The following IFI30 variants were observed in gnomAD, a reference collection of about 807,000 sequenced individuals.
IFI30 encodes the protein IFI30 lysosomal thiol reductase.
In IFI30, 26 loss-of-function variants were observed where a neutral mutation model predicts 30.1. The ratio of observed to expected loss-of-function variants is 0.87; its 90% CI spans 0.63 to 1.20. The LOEUF (loss-of-function observed/expected upper bound fraction) is 1.20. Among genes scored for constraint, IFI30 ranks in the 50% most tolerant of loss-of-function variants. IFI30 has a pLI of 0.00. For synonymous variants in IFI30, 149 were observed against 134.5 expected, an observed-to-expected ratio of 1.11 and a Z score of -0.75; for missense variants, 296 against 312.5, an observed-to-expected ratio of 0.95 and a Z score of 0.40.
chr19:18,175,430 C>G (rs759500684), intron 3 of IFI30, 45 bp downstream of exon 3: 5 of 1,539,370 alleles, frequency 3.2e-6, no homozygotes, highest in Non-Finnish European at 3.5e-6. Flanking sequence ...GAAAACTGTC[C>G]CACGTACAGG....
chr19:18,174,155 C>G, intron 1 of IFI30, 182 bp downstream of exon 1: 2 of 596,760 alleles, frequency 3.4e-6, no homozygotes, highest in Non-Finnish European at 5.6e-6. Flanking sequence ...CCCTCCGTGC[C>G]GTTTCGCTTT....
In IFI30 at chr19:18,177,735, C is replaced by T; in HGVS notation, c.661C>T (p.Leu221Phe). 1 of 1,613,884 alleles carries T rather than the reference C, an allele frequency of 6.2e-7. No individual in the cohort carries two copies. ...NGKPLEDQTQ[L>F]LTLVCQLYQG... ...GAAACCCTTGGAAGATCAGACCCAG[C>T]TCCTTACCCTTGTCTGCCAGTTGTA... is the stretch of plus-strand genomic sequence containing the variant. Residue 221 changes from leucine (L) to phenylalanine (F), a missense_variant, in exon 6 of 7, where the codon CTC (leucine) becomes TTC (phenylalanine). Coordinates refer to ENST00000407280, the MANE Select transcript of IFI30 (RefSeq NM_006332.5).
At position 18,176,980 on chromosome 19, in the gene IFI30, T is replaced by G. The variant is rs112207718; in HGVS notation, c.484-160T>G. Among the ~76,000 whole-genome samples, 739 of 152,230 alleles carry G rather than the reference T, an allele frequency of 4.9e-3. 3 individuals carry two copies. The highest frequency in any genetic ancestry group is 0.017 in the African/African-American group (696 of 41,544). On this transcript the variant is annotated intron_variant, in intron 4 of 6. Transcript: ENST00000407280. The stretch of plus-strand genomic sequence containing the variant: ...TGCCTTAGGGGCCTCCACTCAAGCA[T>G]GTATTGAGCACCTGCTGTTTGTGGG...
In IFI30 at chr19:18,175,331, G is replaced by C. The variant is rs368679591; in HGVS notation, c.336G>C (p.Arg112Ser). 4.0e-5 allele frequency: 64 copies of C among 1,591,854 alleles called. No individual in the cohort carries two copies. Among genetic ancestry groups the C allele is most frequent in the Non-Finnish European group, 5.1e-5 (60 of 1,169,948 alleles). ...TGCAGGAACAAAATGTCAGTGGCAGGTGGGAGTTCAAGTGCCAGCATGGAG... is the reference window on the plus strand; with the variant it reads ...TGCAGGAACAAAATGTCAGTGGCAGCTGGGAGTTCAAGTGCCAGCATGGAG... ...GNAQEQNVSG[R>S]WEFKCQHGEE... is the part of the protein sequence containing the mutation. The change falls in exon 3 of 7, where the codon AGG becomes AGC. Residue 112 changes from arginine to serine, a missense_variant. Arg to Ser is a moderately radical substitution (Grantham distance 110, BLOSUM62 -1). Transcript: ENST00000407280.
intron 1 of IFI30, chr19:18,174,488 T>A (rs1377964263): frequency 6.3e-6 from 1 of 159,312 alleles, no homozygotes; most frequent in South Asian, 1.6e-4. Context: ...ACCTATTAGG[T>A]GCCGCCTCTA....
Position 18,177,901 on chromosome 19 carries a change from G to T in IFI30, c.743G>T (p.Cys248Phe). 5 of 1,591,256 alleles carry T rather than the reference G, an allele frequency of 3.1e-6. No individual in the cohort carries two copies. Among genetic ancestry groups the T allele is most frequent in the Non-Finnish European group, 4.3e-6 (5 of 1,168,620 alleles). The change falls in exon 7 of 7, where the codon TGC (cysteine) becomes TTC (phenylalanine). Residue 248 changes from cysteine to phenylalanine, a missense_variant. Cys to Phe is a radical substitution (Grantham distance 205, BLOSUM62 -2). Transcript: ENST00000407280. ...TCAACCAGCTCCCTCAGGAGTGTTT[G>T]CTTCAAGTGATGGCCGGTGAGCTGC... The part of the protein sequence containing the change: ...PSSTSSLRSV[C>F]FK
chr19:18,174,040 C>T, intron 1 of IFI30, 67 bp downstream of exon 1: 1 of 1,443,006 alleles, frequency 6.9e-7, no homozygotes, highest in African/African-American at 1.4e-5. Context: ...GCGGCTCCTT[C>T]TTTCTCCCCA....
chr19:18,177,007 T>G, intron 4 of IFI30, 133 bp from the exon 5 acceptor site: 1 of 955,434 alleles, frequency 1.0e-6, no homozygotes, highest in South Asian at 1.8e-5. Flanking sequence ...GTTTGTGGGC[T>G]TTGTCGCATC....
intron 1 of IFI30, chr19:18,174,277 G>A: frequency 3.4e-6 from 1 of 293,384 alleles, no homozygotes; most frequent in Non-Finnish European, 6.4e-6. Context: ...TCCTTTTGTG[G>A]CCCAGGGCAC....
chr19:18,174,642 G>A (rs1967242423), intron 1 of IFI30: 1 of 181,906 alleles, frequency 5.5e-6, no homozygotes, highest in Admixed American at 5.6e-5. Flanking sequence ...GGAAGTCTGA[G>A]GCAGGCAGAT....
At position 18,178,098 on chromosome 19, in the gene IFI30, G is replaced by A. The variant is rs1285879735; in HGVS notation, c.*187G>A. The A allele has an allele frequency of 6.5e-6, 4 of 619,506 alleles. No individual in the cohort carries two copies. Among genetic ancestry groups the A allele is most frequent in the African/African-American group, 3.7e-5 (2 of 54,240 alleles). The allele number at this position is 619,506 out of a possible 1,614,324, so 38.4% of individuals were successfully genotyped here. The stretch of plus-strand genomic sequence containing the variant: ...CTGCTCCACTAAGAATGGTGCTAAA[G>A]TAAAACTAGTTTAATAAGCCCTTCT... On this transcript the variant is annotated 3_prime_UTR_variant, in exon 7 of 7. Coordinates refer to ENST00000407280, the MANE Select transcript of IFI30 (RefSeq NM_006332.5).
chr19:18,175,480 G>A (rs546234177), intron 3 of IFI30, 95 bp downstream of exon 3: 2 of 1,399,880 alleles, frequency 1.4e-6, no homozygotes, highest in African/African-American at 2.9e-5. Flanking sequence ...TCTGCCTCGT[G>A]TGCTCCCATT....
intron 1 of IFI30, 166 bp downstream of exon 1, chr19:18,174,139 C>G (rs1381026107): frequency 3.7e-5 from 24 of 644,640 alleles, no homozygotes; most frequent in Non-Finnish European, 4.3e-5. Context: ...GCGCTGCGGC[C>G]ACACTCCCTC....
intron 1 of IFI30, 115 bp from the exon 2 acceptor site, chr19:18,174,925 G>A (rs575042797): frequency 1.8e-5 from 14 of 781,736 alleles, no homozygotes; most frequent in African/African-American, 1.2e-4. Flanking sequence ...TCTGGAAGGC[G>A]TGCAAGATGA....
rs191513645 is a variant in IFI30, at chr19:18,177,911, A to T, written c.753A>T (p.Ter251CysextTer67). The T allele has an allele frequency of 3.2e-6, 5 of 1,585,900 alleles. No homozygotes were observed. Residue 251 changes from the stop codon to cysteine (C), a stop_lost, in exon 7 of 7, where the codon TGA (stop) becomes TGT (cysteine). Transcript: ENST00000407280. ...CCCTCAGGAGTGTTTGCTTCAAGTG[A>T]TGGCCGGTGAGCTGCGGAGAGCTCA... Reference protein sequence around the residue: ...TSSLRSVCFK* With the variant: ...TSSLRSVCFKC
At chr19:18,177,345 G>T (rs573222823) in intron 5 of IFI30, 53 bp downstream of exon 5, 2 of 1,531,164 alleles carry the variant, frequency 1.3e-6, no homozygotes, top group East Asian at 2.4e-5. Flanking sequence ...TGGAGTCAGG[G>T]ATGGACAAGA....
Position 18,174,023 on chromosome 19 carries a change from GGGGCACGC to G in IFI30, c.132+53_132+60del, listed in dbSNP as rs1967233570. ...GGCTGGAGGGAACAGGCGCCCTGTC[GGGGCACGC>G]GGCTCCTTCTTTCTCCCCAGACTTC... On this transcript the variant is annotated intron_variant, in intron 1 of 6. Coordinates refer to ENST00000407280, the MANE Select transcript of IFI30 (RefSeq NM_006332.5). 4.0e-6 allele frequency: 6 copies of G among 1,495,576 alleles called. No homozygotes were observed. The Middle Eastern group carries it at 8.6e-4, about 214-fold the overall frequency. 92.6% of individuals were successfully genotyped at this position (1,495,576 alleles called of 1,614,324 possible).
chr19:18,175,321 T>C lies in IFI30; in HGVS notation c.326T>C (p.Val109Ala). ...CCTGCTGCCTTGCAGGAACAAAATG[T>C]CAGTGGCAGGTGGGAGTTCAAGTGC... The part of the protein sequence containing the change: ...VPYGNAQEQN[V>A]SGRWEFKCQH... The change falls in exon 3 of 7, where the codon GTC (valine) becomes GCC (alanine). Residue 109 changes from valine to alanine, a missense_variant. Val to Ala is a moderately conservative substitution (Grantham distance 64). Coordinates refer to ENST00000407280, the MANE Select transcript of IFI30 (RefSeq NM_006332.5). 6.3e-7 allele frequency: 1 copy of C among 1,590,862 alleles called. No individual in the cohort carries two copies. The highest frequency in any genetic ancestry group is 8.6e-7 in the Non-Finnish European group (1 of 1,169,234).
intron 5 of IFI30, 184 bp from the exon 6 acceptor site, chr19:18,177,527 A>G (rs1967287227): frequency 3.8e-6 from 3 of 785,024 alleles, no homozygotes; most frequent in African/African-American, 1.7e-5. Flanking sequence ...CAAAAAAAGT[A>G]TGTATTAATT....
Sources: allele counts gnomAD v4.1 joint callset (sites outside exome capture counted in the v4.1 genomes callset), GRCh38; gene constraint gnomAD v4.1.1; transcripts MANE v1.5; gene names NCBI Gene and HGNC (gene_info 2026-07-23, HGNC 2026-07-21).